LRMDA: variants seen among roughly 807,000 people sequenced by gnomAD.
LRMDA encodes the protein leucine rich melanocyte differentiation associated.
A neutral mutation model predicts 29.8 loss-of-function variants in LRMDA; 18 were observed. The ratio of observed to expected loss-of-function variants is 0.60; its 90% CI spans 0.42 to 0.90. The LOEUF (loss-of-function observed/expected upper bound fraction) is 0.90. Ranked by LOEUF, LRMDA falls within the 40% of genes least tolerant of loss-of-function variation. The probability of loss-of-function intolerance (pLI) is 0.00; values close to 1 mark genes in which losing one functional copy is unlikely to be tolerated. For synonymous variants in LRMDA, 125 were observed against 109.4 expected (o/e 1.14, Z -0.89); for missense variants, 273 against 273.9 (o/e 1.00, Z 0.02).
chr10:76,435,595 G>T (rs1223641764), intron 6 of LRMDA, among the ~76,000 whole-genome samples: 1 of 152,172 alleles, frequency 6.6e-6, no homozygotes, highest in Non-Finnish European at 1.5e-5. Context: ...GTCAGCAACT[G>T]ATTACATTTT....
intron 6 of LRMDA, among the ~76,000 whole-genome samples, chr10:76,476,110 A>C (rs1842667316): frequency 6.6e-6 from 1 of 152,178 alleles, no homozygotes; most frequent in African/African-American, 2.4e-5. Context: ...TGAATCCAGG[A>C]GCTGGTTTTT....
intron 2 of LRMDA, among the ~76,000 whole-genome samples, chr10:75,877,257 C>T (rs140897723): frequency 1.3e-5 from 2 of 152,346 alleles, no homozygotes; most frequent in East Asian, 3.9e-4. Flanking sequence ...GACTTTGTTA[C>T]TGCTTTCTTG....
intron 6 of LRMDA, among the ~76,000 whole-genome samples, chr10:76,367,366 G>T (rs11516634): frequency 1.3e-5 from 2 of 151,948 alleles, no homozygotes; most frequent in Non-Finnish European, 2.9e-5. Flanking sequence ...GAATTCTGTT[G>T]TGAACCTGTC....
intron 2 of LRMDA, among the ~76,000 whole-genome samples, chr10:76,007,777 A>G (rs1847698652): frequency 6.6e-6 from 1 of 152,184 alleles, no homozygotes; most frequent in Non-Finnish European, 1.5e-5. Context: ...CAAAGGATTT[A>G]TCGTCAGAAT....
chr10:75,780,041 A>G (rs2132241880), intron 2 of LRMDA, among the ~76,000 whole-genome samples: 1 of 152,278 alleles, frequency 6.6e-6, no homozygotes, highest in African/African-American at 2.4e-5. Flanking sequence ...GAAGATAGGA[A>G]GAGATTGGAG....
chr10:76,503,725 A>T (rs1282858103), intron 6 of LRMDA, among the ~76,000 whole-genome samples: 1 of 151,118 alleles, frequency 6.6e-6, no homozygotes, highest in African/African-American at 2.4e-5. Flanking sequence ...GGTTTTTTTC[A>T]TTATTAGTCT....
intron 2 of LRMDA, among the ~76,000 whole-genome samples, chr10:76,017,062 A>AT (rs1847890534): frequency 6.6e-6 from 1 of 152,268 alleles, no homozygotes; most frequent in African/African-American, 2.4e-5. Flanking sequence ...ATTGTTGTAG[A>AT]TATCATCAGT....
Position 76,321,566 on chromosome 10 carries a change from T to C in LRMDA, c.517-2835T>C, listed in dbSNP as rs562686367. Among the ~76,000 whole-genome samples, 242 of 152,254 alleles carry C rather than the reference T, an allele frequency of 1.6e-3. 1 individual carries two copies. Among genetic ancestry groups the C allele is most frequent in the Non-Finnish European group, 2.3e-3 (159 of 68,008 alleles). On this transcript the variant is annotated intron_variant, in intron 5 of 6. Transcript: ENST00000611255. Reference sequence around the variant, plus strand: ...TTTTTAAATTTGGATACTAATAATTTATTGTAGATGTTGCAAATATTTCCT... The same window carrying C: ...TTTTTAAATTTGGATACTAATAATTCATTGTAGATGTTGCAAATATTTCCT...
At chr10:75,870,584 G>T (rs1435448263) in intron 2 of LRMDA, among the ~76,000 whole-genome samples, 2 of 152,138 alleles carry the variant, frequency 1.3e-5, no homozygotes, top group Non-Finnish European at 2.9e-5. Context: ...CACCGCATCT[G>T]GTGGGCGCTT....
At chr10:75,527,754 A>G (rs868072991) in intron 2 of LRMDA, among the ~76,000 whole-genome samples, 2 of 147,654 alleles carry the variant, frequency 1.4e-5, no homozygotes, top group African/African-American at 4.9e-5. Context: ...TAAATAATAT[A>G]TAATATATAA....
At chr10:76,368,118 G>A (rs1841412956) in intron 6 of LRMDA, among the ~76,000 whole-genome samples, 1 of 151,990 alleles carries the variant, frequency 6.6e-6, no homozygotes, top group East Asian at 1.9e-4. Flanking sequence ...TGCGATCTTG[G>A]TTATTTCTTT....
chr10:76,272,828 A>G (rs547734031), intron 5 of LRMDA, among the ~76,000 whole-genome samples: 1 of 152,296 alleles, frequency 6.6e-6, no homozygotes, highest in African/African-American at 2.4e-5. Flanking sequence ...CTTACATGGC[A>G]GGGAGAGAGA....
chr10:76,381,762 G>C (rs1841595426), intron 6 of LRMDA, among the ~76,000 whole-genome samples: 1 of 152,082 alleles, frequency 6.6e-6, no homozygotes, highest in South Asian at 2.1e-4. Flanking sequence ...ACACTCCTGT[G>C]TACCACATGC....
chr10:75,679,367 G>A (rs1435108567), intron 2 of LRMDA, among the ~76,000 whole-genome samples: 1 of 151,984 alleles, frequency 6.6e-6, no homozygotes, highest in African/African-American at 2.4e-5. Flanking sequence ...TACCTAATTT[G>A]AAGAAATTGA....
chr10:75,485,596 A>T (rs566525292), intron 2 of LRMDA, among the ~76,000 whole-genome samples: 3 of 150,916 alleles, frequency 2.0e-5, no homozygotes, highest in Admixed American at 1.3e-4. Context: ...ATATATACAT[A>T]TTTTGAGATG....
chr10:76,340,749 A>C (rs1430556679), intron 6 of LRMDA, among the ~76,000 whole-genome samples: 1 of 152,108 alleles, frequency 6.6e-6, no homozygotes, highest in African/African-American at 2.4e-5. Context: ...TGGATGTGCT[A>C]GCCAAAGCAA....
intron 5 of LRMDA, among the ~76,000 whole-genome samples, chr10:76,254,544 G>A (rs946976489): frequency 1.3e-5 from 2 of 151,968 alleles, no homozygotes; most frequent in Non-Finnish European, 2.9e-5. Context: ...TCTCCTAGGG[G>A]TCTCATATCT....
chr10:75,468,086 A>G (rs979908591), intron 2 of LRMDA, among the ~76,000 whole-genome samples: 3 of 152,186 alleles, frequency 2.0e-5, no homozygotes, highest in African/African-American at 7.2e-5. Flanking sequence ...GCATGTTTCC[A>G]TAACTGATCC....
chr10:76,312,726 T>C (rs762452000), intron 5 of LRMDA, among the ~76,000 whole-genome samples: 1 of 151,916 alleles, frequency 6.6e-6, no homozygotes, highest in African/African-American at 2.4e-5. Context: ...CGGATTATAA[T>C]GAAGCTAGGG....
Sources: allele counts gnomAD v4.1 joint callset (sites outside exome capture counted in the v4.1 genomes callset), GRCh38; gene constraint gnomAD v4.1.1; transcripts MANE v1.5; gene names NCBI Gene and HGNC (gene_info 2026-07-23, HGNC 2026-07-21).